MB21D2: variants seen among roughly 807,000 people sequenced by gnomAD.
MB21D2 encodes the protein nucleotidyltransferase MB21D2.
MB21D2 carries 9 observed loss-of-function variants against 33.3 expected under a neutral mutation model. The observed-to-expected ratio is 0.27, with a 90% CI of 0.16 to 0.47. The LOEUF is 0.47. Ranked by LOEUF, MB21D2 falls within the 20% of genes least tolerant of loss-of-function variation. The pLI, the probability that MB21D2 is intolerant of heterozygous loss-of-function variation, is 0.99. For missense variants in MB21D2, 540 were observed against 624.6 expected, an observed-to-expected ratio of 0.86 and a Z score of 1.44; for synonymous variants, 241 against 236.3, an observed-to-expected ratio of 1.02 and a Z score of -0.18.
At chr3:192,913,347 G>A (rs972361468) in intron 1 of MB21D2, among the ~76,000 whole-genome samples, 5 of 152,168 alleles carry the variant, frequency 3.3e-5, no homozygotes, top group Non-Finnish European at 5.9e-5. Context: ...GCAGTGAGCT[G>A]AGACTGTACC....
intron 1 of MB21D2, among the ~76,000 whole-genome samples, chr3:192,846,471 T>C (rs1002149900): frequency 4.6e-4 from 70 of 152,164 alleles, no homozygotes; most frequent in African/African-American, 1.7e-3. Context: ...CCTGCCCCAA[T>C]GCCACAAACC....
At chr3:192,875,863 G>T (rs1387488901) in intron 1 of MB21D2, among the ~76,000 whole-genome samples, 1 of 152,104 alleles carries the variant, frequency 6.6e-6, no homozygotes, top group African/African-American at 2.4e-5. Context: ...AGCAAGGGAC[G>T]ACATGGCTAC....
chr3:192,800,950 C>T (rs1439593749), intron 1 of MB21D2, among the ~76,000 whole-genome samples: 12 of 152,284 alleles, frequency 7.9e-5, no homozygotes, highest in Admixed American at 7.8e-4. Context: ...GCACCATGAG[C>T]GTGACATCTT....
intron 1 of MB21D2, among the ~76,000 whole-genome samples, chr3:192,901,960 C>T (rs1196406316): frequency 6.6e-6 from 1 of 152,192 alleles, no homozygotes; most frequent in East Asian, 1.9e-4. Context: ...TACTTAGTGT[C>T]AAGGGCCCAA....
Position 192,899,628 on chromosome 3 carries a change from G to A in MB21D2, c.211+18002C>T, listed in dbSNP as rs1292221581. Among the ~76,000 whole-genome samples the A allele has an allele frequency of 2.0e-5, 3 of 152,212 alleles. No homozygotes were observed. In the East Asian group the frequency reaches 5.8e-4, roughly 29 times the overall value. ...GAAGGGCTTGAAAGGATGCAAGACTGGAAGCAAAATCCCAGTGAGATTATT... is the reference window on the plus strand; with the variant it reads ...GAAGGGCTTGAAAGGATGCAAGACTAGAAGCAAAATCCCAGTGAGATTATT... On this transcript the variant is annotated intron_variant, in intron 1 of 1. Transcript: ENST00000392452.
intron 1 of MB21D2, among the ~76,000 whole-genome samples, chr3:192,870,399 T>C (rs139649432): frequency 0.011 from 1,701 of 152,220 alleles, 12 homozygotes; most frequent in Non-Finnish European, 0.02. Context: ...TTCTTAGAAA[T>C]GCAAAGGCTG....
chr3:192,834,077 C>T (rs1176593936), intron 1 of MB21D2, among the ~76,000 whole-genome samples: 1 of 152,160 alleles, frequency 6.6e-6, no homozygotes, highest in Non-Finnish European at 1.5e-5. Flanking sequence ...GTACATGGTA[C>T]ATGGCAGGTA....
intron 1 of MB21D2, among the ~76,000 whole-genome samples, chr3:192,824,545 A>C (rs1011571235): frequency 8.6e-5 from 13 of 151,460 alleles, no homozygotes; most frequent in Admixed American, 1.3e-4. Flanking sequence ...TCTGGACATC[A>C]ATTGCCTTGT....
intron 1 of MB21D2, among the ~76,000 whole-genome samples, chr3:192,819,765 CTT>C (rs1553855930): frequency 6.6e-6 from 1 of 152,204 alleles, no homozygotes; most frequent in East Asian, 1.9e-4. Flanking sequence ...TCTAAAAAGA[CTT>C]TACTTTTCGC....
chr3:192,804,233 C>G (rs1320973905), intron 1 of MB21D2, among the ~76,000 whole-genome samples: 1 of 152,244 alleles, frequency 6.6e-6, no homozygotes, highest in East Asian at 1.9e-4. Context: ...TCATATTCCA[C>G]TAAATTGAAA....
At chr3:192,842,532 G>A (rs983551698) in intron 1 of MB21D2, among the ~76,000 whole-genome samples, 3 of 151,894 alleles carry the variant, frequency 2.0e-5, no homozygotes, top group African/African-American at 7.3e-5. Flanking sequence ...AAATCAACTC[G>A]GCCACAAGAA....
intron 1 of MB21D2, among the ~76,000 whole-genome samples, chr3:192,910,556 A>C (rs1714331120): frequency 6.6e-6 from 1 of 152,220 alleles, no homozygotes; most frequent in Non-Finnish European, 1.5e-5. Flanking sequence ...GAGATGAATG[A>C]AAGAAGCTAG....
At chr3:192,808,776 C>G (rs767233717) in intron 1 of MB21D2, among the ~76,000 whole-genome samples, 1 of 152,230 alleles carries the variant, frequency 6.6e-6, no homozygotes, top group African/African-American at 2.4e-5. Flanking sequence ...CTGAGCATTA[C>G]GCCCAAAGGC....
chr3:192,868,592 C>T (rs1226689731), intron 1 of MB21D2, among the ~76,000 whole-genome samples: 2 of 151,794 alleles, frequency 1.3e-5, no homozygotes, highest in Non-Finnish European at 2.9e-5. Flanking sequence ...TGATTTTTTC[C>T]GTTCCTAAAT....
At chr3:192,822,062 T>C (rs1359513066) in intron 1 of MB21D2, among the ~76,000 whole-genome samples, 4 of 152,110 alleles carry the variant, frequency 2.6e-5, no homozygotes, top group African/African-American at 2.4e-5. Context: ...CGTGATCTGA[T>C]TCTAAACAAA....
chr3:192,841,104 G>C (rs1374958937), intron 1 of MB21D2, among the ~76,000 whole-genome samples: 1 of 152,120 alleles, frequency 6.6e-6, no homozygotes, highest in African/African-American at 2.4e-5. Flanking sequence ...AAGGAGGAGA[G>C]GGCAACACAT....
At chr3:192,867,169 G>A (rs565711557) in intron 1 of MB21D2, among the ~76,000 whole-genome samples, 2 of 152,066 alleles carry the variant, frequency 1.3e-5, no homozygotes, top group African/African-American at 4.8e-5. Context: ...GGAGGAAAAG[G>A]CTGCTCAAAT....
intron 1 of MB21D2, among the ~76,000 whole-genome samples, chr3:192,838,536 C>G (rs1167722913): frequency 6.6e-6 from 1 of 151,086 alleles, no homozygotes; most frequent in Non-Finnish European, 1.5e-5. Context: ...TCACACCATT[C>G]TCCTGCCTCG....
At chr3:192,843,950 A>G (rs888410594) in intron 1 of MB21D2, among the ~76,000 whole-genome samples, 3 of 152,032 alleles carry the variant, frequency 2.0e-5, no homozygotes, top group Non-Finnish European at 4.4e-5. Context: ...ACACTACCAG[A>G]CTTGGGCCAG....
Sources: gnomAD v4.1 joint callset for allele counts (sites outside exome capture counted in the v4.1 genomes callset) on GRCh38, gnomAD v4.1.1 for gene constraint, MANE v1.5 for transcripts, NCBI Gene and HGNC (gene_info 2026-07-23, HGNC 2026-07-21) for gene names.